RXRA: variants seen among roughly 807,000 people sequenced by gnomAD.
RXRA encodes the protein retinoic acid receptor RXR-alpha.
Under a neutral mutation model 44.5 loss-of-function variants are expected in RXRA, and 5 were observed. That is an observed-to-expected ratio of 0.11 (90% CI 0.06 to 0.24). RXRA has a LOEUF of 0.24. Among genes scored for constraint, RXRA ranks in the 10% least tolerant of loss-of-function variants. The probability of loss-of-function intolerance (pLI) is 1.00; values close to 1 mark genes in which losing one functional copy is unlikely to be tolerated. For synonymous variants in RXRA, 291 were observed against 271.4 expected (o/e 1.07, Z -0.71); for missense variants, 412 against 646.5 (o/e 0.64, Z 3.93).
intron 1 of RXRA, among the ~76,000 whole-genome samples, chr9:134,386,564 G>A (rs948534063): frequency 5.4e-4 from 83 of 152,336 alleles, no homozygotes; most frequent in Non-Finnish European, 5.1e-4. Context: ...ACCCCGCTCC[G>A]TGGAGCATGC....
chr9:134,328,342 G>T (rs1834948781), intron 1 of RXRA, among the ~76,000 whole-genome samples: 1 of 152,146 alleles, frequency 6.6e-6, no homozygotes, highest in East Asian at 1.9e-4. Context: ...ATAGTCCACG[G>T]AGTTGGTGGA....
At chr9:134,357,635 C>T (rs1376201275) in intron 1 of RXRA, among the ~76,000 whole-genome samples, 2 of 152,098 alleles carry the variant, frequency 1.3e-5, no homozygotes, top group East Asian at 3.9e-4. Context: ...GTGGTTTGTG[C>T]AGTCCCAAGC....
Position 134,429,200 on chromosome 9 carries a change from A to C in RXRA, c.1003A>C (p.Asn335His). ...LLATGLHVHR[N>H]SAHSAGVGAI... Reference sequence around the variant, plus strand: ...GGCCACCGGGCTGCACGTCCACCGGAACAGCGCCCACAGCGCAGGGGTGGG... The same window carrying C: ...GGCCACCGGGCTGCACGTCCACCGGCACAGCGCCCACAGCGCAGGGGTGGG... Residue 335 changes from asparagine to histidine, a missense_variant, in exon 7 of 10, where the codon AAC (asparagine) becomes CAC (histidine). This residue lies in a region of RXRA where 141 missense variants were observed against 270.8 expected (regional missense o/e 0.52). Coordinates refer to ENST00000481739, the MANE Select transcript of RXRA (RefSeq NM_002957.6). 1 of 1,612,886 alleles carries C rather than the reference A, an allele frequency of 6.2e-7. No individual in the cohort carries two copies. Among genetic ancestry groups the C allele is most frequent in the Non-Finnish European group, 8.5e-7 (1 of 1,179,938 alleles).
intron 1 of RXRA, among the ~76,000 whole-genome samples, chr9:134,350,269 C>T (rs554583731): frequency 5.9e-5 from 9 of 152,258 alleles, no homozygotes; most frequent in East Asian, 1.9e-4. Context: ...GCTGGGGCCG[C>T]GGAGTGGCCT....
chr9:134,435,763 C>T (rs1182094873), intron 9 of RXRA, among the ~76,000 whole-genome samples: 1 of 152,172 alleles, frequency 6.6e-6, no homozygotes, highest in Non-Finnish European at 1.5e-5. Context: ...CACCAGTGTG[C>T]TCAGCAGCCC....
intron 1 of RXRA, among the ~76,000 whole-genome samples, chr9:134,348,898 C>G (rs1830187373): frequency 6.6e-6 from 1 of 152,240 alleles, no homozygotes; most frequent in African/African-American, 2.4e-5. Context: ...CCCACGACCC[C>G]CAGACCTTGG....
chr9:134,406,833 G>T (rs1337099880), intron 2 of RXRA, among the ~76,000 whole-genome samples: 1 of 152,250 alleles, frequency 6.6e-6, no homozygotes, highest in Non-Finnish European at 1.5e-5. Flanking sequence ...TGGGTGCAAA[G>T]CCCAGGCACC....
At position 134,409,266 on chromosome 9, in the gene RXRA, C is replaced by G. The variant is rs1031784346; in HGVS notation, c.610+147C>G. On this transcript the variant is annotated intron_variant, in intron 4 of 9. Coordinates refer to ENST00000481739, the MANE Select transcript of RXRA (RefSeq NM_002957.6). ...GGCCAAGGCAGGAGTGGGGGCGGGGCCCAGCGCGTGGGCACACGTGCGGCC... is the reference window on the plus strand; with the variant it reads ...GGCCAAGGCAGGAGTGGGGGCGGGGGCCAGCGCGTGGGCACACGTGCGGCC... 3.7e-6 allele frequency: 3 copies of G among 803,964 alleles called. No individual in the cohort carries two copies. In the African/African-American group the frequency reaches 5.4e-5, roughly 14 times the overall value. 49.8% of individuals were successfully genotyped at this position (803,964 alleles called of 1,614,324 possible).
chr9:134,354,106 C>T (rs782294635), intron 1 of RXRA, among the ~76,000 whole-genome samples: 3 of 152,180 alleles, frequency 2.0e-5, no homozygotes, highest in Non-Finnish European at 2.9e-5. Context: ...AGGTGCATTC[C>T]AGCCTTTGTG....
At chr9:134,401,456 C>T (rs964724398) in intron 1 of RXRA, 176 bp from the exon 2 acceptor site, 2 of 966,644 alleles carry the variant, frequency 2.1e-6, no homozygotes, top group Non-Finnish European at 3.1e-6. Context: ...TCTGGGCACA[C>T]CTGGCCCGTA....
Position 134,426,303 on chromosome 9 carries a change from C to T in RXRA, c.911-2805C>T. 7.1e-6 allele frequency: 7 copies of T among 985,442 alleles called. No homozygotes were observed. Among genetic ancestry groups the T allele is most frequent in the Non-Finnish European group, 8.4e-6 (7 of 829,918 alleles). The allele number at this position is 985,442 out of a possible 1,614,324, so 61.0% of individuals were successfully genotyped here. ...ACAGGGCCAGGAGCCCTCCTTCCTG[C>T]AGCGATGGAGCACTTAGGAAGGTGA... On this transcript the variant is annotated intron_variant, in intron 6 of 9. Coordinates refer to ENST00000481739, the MANE Select transcript of RXRA (RefSeq NM_002957.6). This position sits in a 1 kb window ranked among gnomAD's most constrained non-coding sequence, Gnocchi z 4.6.
intron 5 of RXRA, 136 bp from the exon 6 acceptor site, chr9:134,421,540 G>T: frequency 1.0e-6 from 1 of 1,000,548 alleles, no homozygotes. Flanking sequence ...TCTGGGGATT[G>T]GGGCCTGGGC....
chr9:134,408,716 T>G (rs1418937014), intron 3 of RXRA, among the ~76,000 whole-genome samples: 1 of 152,186 alleles, frequency 6.6e-6, no homozygotes, highest in African/African-American at 2.4e-5. Context: ...GGGGCCCTGG[T>G]CCCTGGTGGG....
intron 1 of RXRA, among the ~76,000 whole-genome samples, chr9:134,331,208 C>T (rs1434063997): frequency 3.3e-5 from 5 of 152,198 alleles, no homozygotes; most frequent in East Asian, 1.9e-4. Context: ...CGAGGGACCG[C>T]GGTTTGCACA....
chr9:134,374,493 C>T (rs977685829), intron 1 of RXRA, among the ~76,000 whole-genome samples: 19 of 152,214 alleles, frequency 1.2e-4, no homozygotes, highest in Admixed American at 9.8e-4. Context: ...TCCTGGCTCT[C>T]GGCCCAGGGC....
intron 1 of RXRA, among the ~76,000 whole-genome samples, chr9:134,387,335 G>C (rs978275800): frequency 6.6e-6 from 1 of 152,258 alleles, no homozygotes. Context: ...AGAAGGATGC[G>C]CTCTCGGCGC....
intron 1 of RXRA, among the ~76,000 whole-genome samples, chr9:134,387,716 G>A (rs1830740437): frequency 6.6e-6 from 1 of 152,206 alleles, no homozygotes; most frequent in African/African-American, 2.4e-5. Flanking sequence ...TAAGCAGCAG[G>A]CGTGCGGCGT....
intron 1 of RXRA, among the ~76,000 whole-genome samples, chr9:134,378,350 G>GGCCAGCGCCTGTGT (rs112010142): frequency 0.69 from 105,207 of 151,426 alleles, 37,381 homozygotes; most frequent in Non-Finnish European, 0.78. Context: ...CGTGTGTGCC[G>GGCCAGCGCCTGTGT]GCCAGCGCCT....
intron 1 of RXRA, among the ~76,000 whole-genome samples, chr9:134,392,496 T>A (rs1046335253): frequency 3.3e-5 from 5 of 152,160 alleles, no homozygotes; most frequent in Non-Finnish European, 7.4e-5. Flanking sequence ...TGGGAACCAG[T>A]GGAGCGAGCG....
Sources: gnomAD v4.1 joint callset for allele counts (sites outside exome capture counted in the v4.1 genomes callset) on GRCh38, gnomAD v4.1.1 for gene constraint, gnomAD v4.1.1 regional missense constraint, Gnocchi (gnomAD v3.1) non-coding constraint, MANE v1.5 for transcripts, NCBI Gene and HGNC (gene_info 2026-07-23, HGNC 2026-07-21) for gene names.